Variants in RANBP2 observed in about 807,000 individuals in gnomAD.
RANBP2 encodes the protein RAN binding protein 2.
Under a neutral mutation model 303.6 loss-of-function variants are expected in RANBP2, and 57 were observed. The observed-to-expected ratio is 0.19, with a 90% CI of 0.15 to 0.23. The LOEUF is 0.23. RANBP2 is among the 10% of genes least tolerant of loss of function. The pLI is 1.00. For synonymous variants in RANBP2, 1,167 were observed against 1,301.5 expected, an observed-to-expected ratio of 0.90 and a Z score of 2.23; for missense variants, 3,138 against 3,780.8, an observed-to-expected ratio of 0.83 and a Z score of 4.46.
the RANBP2 span, among the ~76,000 whole-genome samples, chr2:108,888,115 AGAT>A: frequency 3.3e-5 from 5 of 152,072 alleles, no homozygotes; most frequent in Non-Finnish European, 7.4e-5. Flanking sequence ...GCATCTGTTG[AGAT>A]GATCATATGG....
chr2:109,287,509 T>C, the RANBP2 span, among the ~76,000 whole-genome samples: 1 of 152,218 alleles, frequency 6.6e-6, no homozygotes, highest in South Asian at 2.1e-4. Context: ...GTTGGGACAC[T>C]ACGCTCAGGT....
chr2:109,467,866 C>G, the RANBP2 span, among the ~76,000 whole-genome samples: 1,929 of 152,282 alleles, frequency 0.013, 44 homozygotes, highest in African/African-American at 0.044. Context: ...CGCCGTCATT[C>G]ACATCCCTCA....
the RANBP2 span, among the ~76,000 whole-genome samples, chr2:109,587,090 C>T: frequency 6.6e-6 from 1 of 152,040 alleles, no homozygotes; most frequent in Non-Finnish European, 1.5e-5. Flanking sequence ...CAGGTAAGAA[C>T]TTTAAATAAT....
At chr2:109,577,598 TAAA>T in the RANBP2 span, among the ~76,000 whole-genome samples, 1 of 133,272 alleles carries the variant, frequency 7.5e-6, no homozygotes, top group Non-Finnish European at 1.6e-5. Context: ...CCTCAAAATT[TAAA>T]AAAAAAAAAA....
the RANBP2 span, among the ~76,000 whole-genome samples, chr2:109,412,334 G>A: frequency 6.6e-6 from 1 of 152,190 alleles, no homozygotes. Context: ...AAGTGCCGGG[G>A]CAGGCTTCAG....
At chr2:108,854,682 C>A in the RANBP2 span, among the ~76,000 whole-genome samples, 56 of 152,150 alleles carry the variant, frequency 3.7e-4, no homozygotes, top group Middle Eastern at 3.4e-3. Context: ...TTGGGCTCAG[C>A]TCATCTGGAT....
the RANBP2 span, among the ~76,000 whole-genome samples, chr2:109,324,300 C>T: frequency 6.6e-6 from 1 of 152,204 alleles, no homozygotes; most frequent in East Asian, 1.9e-4. Context: ...GGACAGGTTT[C>T]CACTGCTCTA....
At chr2:109,676,665 A>G in the RANBP2 span, among the ~76,000 whole-genome samples, 5 of 152,192 alleles carry the variant, frequency 3.3e-5, no homozygotes, top group African/African-American at 1.2e-4. Flanking sequence ...TCTCCCTGAA[A>G]TAAGGAGGCA....
chr2:109,524,431 T>TG, the RANBP2 span, among the ~76,000 whole-genome samples: 2 of 83,504 alleles, frequency 2.4e-5, no homozygotes, highest in Non-Finnish European at 4.2e-5. Flanking sequence ...GGTGACAGAG[T>TG]GGGACCCTGT....
At chr2:108,848,006 C>T in the RANBP2 span, among the ~76,000 whole-genome samples, 1 of 152,058 alleles carries the variant, frequency 6.6e-6, no homozygotes, top group African/African-American at 2.4e-5. Context: ...AATACACACA[C>T]GCTTACATAC....
chr2:108,977,353 G>C, the RANBP2 span, among the ~76,000 whole-genome samples: 2 of 152,098 alleles, frequency 1.3e-5, no homozygotes, highest in South Asian at 4.1e-4. Flanking sequence ...ACTGCAAGCT[G>C]CGCCTCCCGG....
chr2:109,629,534 G>A, the RANBP2 span, among the ~76,000 whole-genome samples: 12 of 151,360 alleles, frequency 7.9e-5, no homozygotes, highest in African/African-American at 1.7e-4. Context: ...TGTATGAGGC[G>A]AGGCACAATG....
At chr2:109,651,878 C>G in the RANBP2 span, among the ~76,000 whole-genome samples, 8 of 152,164 alleles carry the variant, frequency 5.3e-5, no homozygotes, top group African/African-American at 1.9e-4. Context: ...CCTGCCCCAG[C>G]TTGCTTCATG....
the RANBP2 span, among the ~76,000 whole-genome samples, chr2:109,555,632 C>A: frequency 6.6e-6 from 1 of 152,206 alleles, no homozygotes; most frequent in African/African-American, 2.4e-5. Context: ...ACGACCCAGG[C>A]ACAAGTGTTT....
At chr2:109,653,728 AT>A in the RANBP2 span, among the ~76,000 whole-genome samples, 1 of 152,166 alleles carries the variant, frequency 6.6e-6, no homozygotes, top group Non-Finnish European at 1.5e-5. Context: ...GAATCTTTGA[AT>A]TCCTTCCTTG....
At chr2:109,680,777 T>C in the RANBP2 span, among the ~76,000 whole-genome samples, 1 of 152,196 alleles carries the variant, frequency 6.6e-6, no homozygotes, top group South Asian at 2.1e-4. Flanking sequence ...AAAAATTGTA[T>C]TTAATAGAGA....
the RANBP2 span, among the ~76,000 whole-genome samples, chr2:108,904,903 A>G: frequency 2.6e-5 from 4 of 152,192 alleles, no homozygotes; most frequent in African/African-American, 7.2e-5. Flanking sequence ...TGTCAATATC[A>G]GTGTCCTGGT....
At chr2:109,187,387 G>A in the RANBP2 span, among the ~76,000 whole-genome samples, 1 of 150,052 alleles carries the variant, frequency 6.7e-6, no homozygotes, top group Non-Finnish European at 1.5e-5. Context: ...GTATTATTTA[G>A]AAAAAGCTAA....
chr2:108,975,761 T>C, the RANBP2 span, among the ~76,000 whole-genome samples: 1 of 152,010 alleles, frequency 6.6e-6, no homozygotes, highest in Non-Finnish European at 1.5e-5. Context: ...AAGAGAAGGG[T>C]GGCACTGTCG....
Sources: allele counts gnomAD v4.1 joint callset (sites outside exome capture counted in the v4.1 genomes callset), GRCh38; gene constraint gnomAD v4.1.1; transcripts MANE v1.5; gene names NCBI Gene and HGNC (gene_info 2026-07-23, HGNC 2026-07-21).